The following MYCN variants were observed in gnomAD, a reference collection of about 807,000 sequenced individuals.
The protein encoded by MYCN is N-myc proto-oncogene protein.
MYCN carries 3 observed loss-of-function variants against 28.1 expected under a neutral mutation model. That is an observed-to-expected ratio of 0.11 (90% confidence interval 0.05 to 0.28). The LOEUF (loss-of-function observed/expected upper bound fraction) is 0.28, where lower values mean the gene tolerates loss of function less well. Among genes scored for constraint, MYCN ranks in the 10% least tolerant of loss-of-function variants. The pLI is 1.00. For missense variants in MYCN, 572 were observed against 651.4 expected, an observed-to-expected ratio of 0.88 and a Z score of 1.33; for synonymous variants, 326 against 288.3, an observed-to-expected ratio of 1.13 and a Z score of -1.32.
At position 15,945,875 on chromosome 2, in the gene MYCN, C is replaced by T. The variant is rs772649128; in HGVS notation, c.1173C>T (p.Arg391=). 4 of 1,614,122 alleles carry T rather than the reference C, an allele frequency of 2.5e-6. No homozygotes were observed. The highest frequency in any genetic ancestry group is 3.4e-6 in the Non-Finnish European group (4 of 1,180,042). Residue 391 remains arginine, a synonymous_variant, in exon 3 of 3, where the codon CGC becomes CGT. Coordinates refer to ENST00000281043, the MANE Select transcript of MYCN (RefSeq NM_005378.6). This position sits in a 1 kb window ranked among gnomAD's most constrained non-coding sequence, Gnocchi z 4.8. ...GCAGAAACCACAACATCCTGGAGCG[C>T]CAGCGCCGCAACGACCTTCGGTCCA... ...ERRRNHNILE[R]QRRNDLRSSF...
In MYCN at chr2:15,942,343, G is replaced by C. The variant is rs151113760; in HGVS notation, c.279G>C (p.Glu93Asp). 1.6e-4 allele frequency: 262 copies of C among 1,607,352 alleles called. No homozygotes were observed. Among genetic ancestry groups the C allele is most frequent in the Non-Finnish European group, 2.1e-4 (250 of 1,177,886 alleles). Residue 93 changes from glutamate (E) to aspartate (D), a missense_variant, in exon 2 of 3, where the codon GAG becomes GAC. Glu to Asp is a conservative substitution (Grantham distance 45). Around this residue, in one of 3 missense-constraint regions of MYCN, gnomAD observed 499 missense variants for 524.3 expected, o/e 0.95. Transcript: ENST00000281043. The surrounding 1 kb of genome is among the most constrained non-coding windows in gnomAD (Gnocchi z 7.0). ...LENELWGSPA[E>D]EDAFGLGGLG... ...ACGAGCTGTGGGGCAGCCCGGCCGA[G>C]GAGGACGCGTTCGGCCTGGGGGGAC...
In MYCN at chr2:15,943,288, AG is replaced by A. The variant is rs1329380399; in HGVS notation, c.790+437del. Among the ~76,000 whole-genome samples, 20 of 152,170 alleles carry A rather than the reference AG, an allele frequency of 1.3e-4. No homozygotes were observed. In the East Asian group the frequency reaches 3.9e-3, roughly 29 times the overall value. ...GGGACTCTCTGGCCCAGGTCAGGGGAGGGAAAGACATCCCGAGAAGATTCAA... is the reference window on the plus strand; with the variant it reads ...GGGACTCTCTGGCCCAGGTCAGGGGAGGAAAGACATCCCGAGAAGATTCAA... On this transcript the variant is annotated intron_variant, in intron 2 of 2. Coordinates refer to ENST00000281043, the MANE Select transcript of MYCN (RefSeq NM_005378.6).
chr2:15,942,203 G>A lies in MYCN; in HGVS notation c.139G>A (p.Glu47Lys). The A allele has an allele frequency of 6.2e-7, 1 of 1,613,598 alleles. No homozygotes were observed. The highest frequency in any genetic ancestry group is 8.5e-7 in the Non-Finnish European group (1 of 1,179,996). Residue 47 changes from glutamate (E) to lysine (K), a missense_variant, in exon 2 of 3, where the codon GAG (glutamate) becomes AAG (lysine). Around this residue, in one of 3 missense-constraint regions of MYCN, gnomAD observed 499 missense variants for 524.3 expected, o/e 0.95. Transcript: ENST00000281043. This position sits in a 1 kb window ranked among gnomAD's most constrained non-coding sequence, Gnocchi z 7.0. Reference protein sequence around the residue: ...FGGPDSTPPGEDIWKKFELLP... With the variant: ...FGGPDSTPPGKDIWKKFELLP... ...CGGCCCCGACTCGACCCCCCCGGGG[G>A]AGGACATCTGGAAGAAGTTTGAGCT...
intron 2 of MYCN, among the ~76,000 whole-genome samples, chr2:15,943,403 C>CTT (rs111360717): frequency 0.071 from 9,878 of 138,300 alleles, 402 homozygotes; most frequent in Middle Eastern, 0.12. Flanking sequence ...TTTTCTTTTT[C>CTT]TTTTTTTTTT....
rs780448923 is a variant in MYCN at position 15,942,387 on chromosome 2, A to G, written c.323A>G (p.Asn108Ser). The change falls in exon 2 of 3, where the codon AAC (asparagine) becomes AGC (serine). Residue 108 changes from asparagine to serine, a missense_variant. Asn to Ser is a conservative substitution (Grantham distance 46). Transcript: ENST00000281043. The surrounding 1 kb of genome is among the most constrained non-coding windows in gnomAD (Gnocchi z 7.0). ...GGGGGACTGGGTGGCCTCACCCCCA[A>G]CCCGGTCATCCTCCAGGACTGCATG... Reference protein sequence around the residue: ...GLGGLGGLTPNPVILQDCMWS... With the variant: ...GLGGLGGLTPSPVILQDCMWS... 15 of 1,607,254 alleles carry G rather than the reference A, an allele frequency of 9.3e-6. No homozygotes were observed. The highest frequency in any genetic ancestry group is 3.4e-6 in the Non-Finnish European group (4 of 1,178,626).
In MYCN at chr2:15,942,078, C is replaced by T; in HGVS notation, c.14C>T (p.Ser5Phe). 6.2e-7 allele frequency: 1 copy of T among 1,613,774 alleles called. No individual in the cohort carries two copies. MPSCSTSTMPGMICK... is the reference protein window; with the variant it reads MPSCFTSTMPGMICK... ...GGAGGCGAGCCGATGCCGAGCTGCT[C>T]CACGTCCACCATGCCGGGCATGATC... The change falls in exon 2 of 3, where the codon TCC becomes TTC. Residue 5 changes from serine (S) to phenylalanine (F), a missense_variant. By Grantham distance (155) the Ser-to-Phe change is radical. Coordinates refer to ENST00000281043, the MANE Select transcript of MYCN (RefSeq NM_005378.6). The surrounding 1 kb of genome is among the most constrained non-coding windows in gnomAD (Gnocchi z 7.0).
intron 2 of MYCN, among the ~76,000 whole-genome samples, chr2:15,943,100 C>T (rs969732943): frequency 6.6e-6 from 1 of 152,230 alleles, no homozygotes; most frequent in Non-Finnish European, 1.5e-5. Context: ...TCCTGGGGAG[C>T]CCTCCTCTAG....
rs1246060867 is a variant in MYCN, at chr2:15,946,769, G to A, written c.*672G>A. The A allele has an allele frequency of 8.8e-6, 2 of 226,056 alleles. No individual in the cohort carries two copies. The highest frequency in any genetic ancestry group is 2.2e-5 in the African/African-American group (1 of 44,854). The allele number at this position is 226,056 out of a possible 1,614,324, so 14.0% of individuals were successfully genotyped here. On this transcript the variant is annotated 3_prime_UTR_variant, in exon 3 of 3. Coordinates refer to ENST00000281043, the MANE Select transcript of MYCN (RefSeq NM_005378.6). ...AAATGAGTTGTGAAAGTTTTGAGTA[G>A]ATATTACTTTATCACTTTTTGAACT... is the stretch of plus-strand genomic sequence containing the variant.
In MYCN at chr2:15,946,284, G is replaced by T; in HGVS notation, c.*187G>T. ...GGGACCTTGGAGAGCCTGCATCCCA[G>T]GATGCTGGGTGGCCCTGCAGCCTCC... is the stretch of plus-strand genomic sequence containing the variant. On this transcript the variant is annotated 3_prime_UTR_variant, in exon 3 of 3. Coordinates refer to ENST00000281043, the MANE Select transcript of MYCN (RefSeq NM_005378.6). The T allele has an allele frequency of 1.2e-6, 1 of 815,454 alleles. No individual in the cohort carries two copies. Among genetic ancestry groups the T allele is most frequent in the Non-Finnish European group, 2.0e-6 (1 of 512,712 alleles). The allele number at this position is 815,454 out of a possible 1,614,324, so 50.5% of individuals were successfully genotyped here.
chr2:15,944,146 C>T lies in MYCN; in HGVS notation c.790+1292C>T, dbSNP rs1662795666. Among the ~76,000 whole-genome samples the T allele has an allele frequency of 2.6e-5, 4 of 152,150 alleles. No individual in the cohort carries two copies. The South Asian group carries it at 6.2e-4, about 24-fold the overall frequency. On this transcript the variant is annotated intron_variant, in intron 2 of 2. Transcript: ENST00000281043. ...CTGTCTTCTTGGCAGAAAACCAAAACATTGGCTTAAAGGGACCCACAGACT... is the reference window on the plus strand; with the variant it reads ...CTGTCTTCTTGGCAGAAAACCAAAATATTGGCTTAAAGGGACCCACAGACT...
Position 15,942,292 on chromosome 2 carries a change from C to T in MYCN, c.228C>T (p.Ser76=), listed in dbSNP as rs1572217254. ...CGGAGCACAGCTCCGAGCCCCCGAG[C>T]TGGGTCACGGAGATGCTGCTTGAGA... ...GFAEHSSEPP[S]WVTEMLLENE... Residue 76 remains serine, a synonymous_variant, in exon 2 of 3, where the codon AGC becomes AGT. Transcript: ENST00000281043. The surrounding 1 kb of genome is among the most constrained non-coding windows in gnomAD (Gnocchi z 7.0). 1.2e-6 allele frequency: 2 copies of T among 1,610,820 alleles called. No individual in the cohort carries two copies. The highest frequency in any genetic ancestry group is 1.7e-6 in the Non-Finnish European group (2 of 1,179,206).
intron 2 of MYCN, among the ~76,000 whole-genome samples, chr2:15,943,629 T>C (rs1662781009): frequency 6.6e-6 from 1 of 152,110 alleles, no homozygotes; most frequent in Non-Finnish European, 1.5e-5. Context: ...GCCTCCTCTT[T>C]CCAGTGTGCA....
Position 15,942,887 on chromosome 2 carries a change from T to A in MYCN, c.790+33T>A. The A allele has an allele frequency of 6.4e-7, 1 of 1,562,336 alleles. No individual in the cohort carries two copies. The highest frequency in any genetic ancestry group is 8.6e-7 in the Non-Finnish European group (1 of 1,159,288). On this transcript the variant is annotated intron_variant, in intron 2 of 2. Coordinates refer to ENST00000281043, the MANE Select transcript of MYCN (RefSeq NM_005378.6). This position sits in a 1 kb window ranked among gnomAD's most constrained non-coding sequence, Gnocchi z 7.0. ...CCGAACTCGGGTCCGGCTGCCTCCCTGGGGCACTGGACCCCGGGTCGCGTC... is the reference window on the plus strand; with the variant it reads ...CCGAACTCGGGTCCGGCTGCCTCCCAGGGGCACTGGACCCCGGGTCGCGTC...
rs757095247 is a variant in MYCN at position 15,945,620 on chromosome 2, A to G, written c.918A>G (p.Ala306=). 3 of 1,614,208 alleles carry G rather than the reference A, an allele frequency of 1.9e-6. No homozygotes were observed. The South Asian group carries it at 3.3e-5, about 18-fold the overall frequency. Reference sequence around the variant, plus strand: ...CCATCACTGTGCGTCCCAAGAACGCAGCCCTGGGTCCCGGGAGGGCTCAGT... The same window carrying G: ...CCATCACTGTGCGTCCCAAGAACGCGGCCCTGGGTCCCGGGAGGGCTCAGT... ...TFTITVRPKN[A]ALGPGRAQSS... is the part of the protein sequence containing the mutation. The change falls in exon 3 of 3, where the codon GCA becomes GCG. Residue 306 remains alanine, a synonymous_variant. Coordinates refer to ENST00000281043, the MANE Select transcript of MYCN (RefSeq NM_005378.6). This position sits in a 1 kb window ranked among gnomAD's most constrained non-coding sequence, Gnocchi z 4.8.
At position 15,941,014 on chromosome 2, in the gene MYCN, C is replaced by G. The variant is rs1447443508; in HGVS notation, c.-118+271C>G. The stretch of plus-strand genomic sequence containing the variant: ...CTTCTGCGAAAAGAAATTCCCTCGG[C>G]TCTAGAAGATCTGTCTGTGTTTGAG... On this transcript the variant is annotated intron_variant, in intron 1 of 2. Transcript: ENST00000281043. This position sits in a 1 kb window ranked among gnomAD's most constrained non-coding sequence, Gnocchi z 4.8. The G allele has an allele frequency of 8.6e-6, 3 of 348,444 alleles. No homozygotes were observed. Among genetic ancestry groups the G allele is most frequent in the Non-Finnish European group, 1.5e-5 (3 of 195,248 alleles). 21.6% of individuals were successfully genotyped at this position (348,444 alleles called of 1,614,324 possible).
In MYCN at chr2:15,942,268, G is replaced by C. The variant is rs1377809803; in HGVS notation, c.204G>C (p.Ala68=). ...TPPLSPSRGF[A]EHSSEPPSWV... ...CGCTGTCGCCCAGCCGTGGCTTCGC[G>C]GAGCACAGCTCCGAGCCCCCGAGCT... The change falls in exon 2 of 3, where the codon GCG becomes GCC. Residue 68 remains alanine (A), a synonymous_variant. Coordinates refer to ENST00000281043, the MANE Select transcript of MYCN (RefSeq NM_005378.6). This position sits in a 1 kb window ranked among gnomAD's most constrained non-coding sequence, Gnocchi z 7.0. The C allele has an allele frequency of 6.2e-7, 1 of 1,612,056 alleles. No homozygotes were observed. The highest frequency in any genetic ancestry group is 8.5e-7 in the Non-Finnish European group (1 of 1,179,648).
At position 15,945,465 on chromosome 2, in the gene MYCN, A is replaced by T; in HGVS notation, c.791-28A>T. On this transcript the variant is annotated intron_variant, in intron 2 of 2. Coordinates refer to ENST00000281043, the MANE Select transcript of MYCN (RefSeq NM_005378.6). The surrounding 1 kb of genome is among the most constrained non-coding windows in gnomAD (Gnocchi z 4.8). ...TGAATTTCATTCAAATGGTTCTCACATGAGAGTAACTAGCATCTTTCTCTC... is the reference window on the plus strand; with the variant it reads ...TGAATTTCATTCAAATGGTTCTCACTTGAGAGTAACTAGCATCTTTCTCTC... 1 of 1,575,572 alleles carries T rather than the reference A, an allele frequency of 6.3e-7. No individual in the cohort carries two copies. Among genetic ancestry groups the T allele is most frequent in the Non-Finnish European group, 8.6e-7 (1 of 1,159,208 alleles).
chr2:15,944,159 G>T (rs1354731833), intron 2 of MYCN, among the ~76,000 whole-genome samples: 1 of 152,096 alleles, frequency 6.6e-6, no homozygotes, highest in African/African-American at 2.4e-5. Context: ...TGGCTTAAAG[G>T]GACCCACAGA....
rs1487467754 is a variant in MYCN at position 15,942,247 on chromosome 2, G to A, written c.183G>A (p.Leu61=). 2 of 1,612,818 alleles carry A rather than the reference G, an allele frequency of 1.2e-6. No homozygotes were observed. Among genetic ancestry groups the A allele is most frequent in the East Asian group, 2.2e-5 (1 of 44,854 alleles). The change falls in exon 2 of 3, where the codon CTG becomes CTA. Residue 61 remains leucine (L), a synonymous_variant. Transcript: ENST00000281043. The surrounding 1 kb of genome is among the most constrained non-coding windows in gnomAD (Gnocchi z 7.0). ...TTGAGCTGCTGCCCACGCCCCCGCT[G>A]TCGCCCAGCCGTGGCTTCGCGGAGC... is the stretch of plus-strand genomic sequence containing the variant. ...KKFELLPTPP[L]SPSRGFAEHS...
Sources: gnomAD v4.1 joint callset for allele counts (sites outside exome capture counted in the v4.1 genomes callset) on GRCh38, gnomAD v4.1.1 for gene constraint, gnomAD v4.1.1 regional missense constraint, Gnocchi (gnomAD v3.1) non-coding constraint, MANE v1.5 for transcripts, NCBI Gene and HGNC (gene_info 2026-07-23, HGNC 2026-07-21) for gene names.